WDR70: variants seen among roughly 807,000 people sequenced by gnomAD.
The protein encoded by WDR70 is WD repeat-containing protein 70.
Under a neutral mutation model 88.6 loss-of-function variants are expected in WDR70, and 53 were observed. The observed-to-expected ratio is 0.60, with a 90% CI of 0.48 to 0.75. The LOEUF (loss-of-function observed/expected upper bound fraction) is 0.75. Among genes scored for constraint, WDR70 ranks in the 30% least tolerant of loss-of-function variants. The pLI is 0.00. For missense variants in WDR70, 610 were observed against 823.2 expected (o/e 0.74, Z 3.17); for synonymous variants, 280 against 270.0 (o/e 1.04, Z -0.36).
intron 10 of WDR70, among the ~76,000 whole-genome samples, chr5:37,676,059 G>T (rs1262345762): frequency 1.4e-5 from 2 of 145,658 alleles, no homozygotes; most frequent in Non-Finnish European, 3.0e-5. Flanking sequence ...GTATAAGAAT[G>T]CTTGTGATTT....
At position 37,392,034 on chromosome 5, in the gene WDR70, G is replaced by T. The variant is rs777876910; in HGVS notation, c.210G>T (p.Glu70Asp). The T allele has an allele frequency of 6.2e-7, 1 of 1,611,062 alleles. No individual in the cohort carries two copies. The highest frequency in any genetic ancestry group is 1.1e-5 in the South Asian group (1 of 90,184). Residue 70 changes from glutamate (E) to aspartate (D), a missense_variant, in exon 4 of 18, where the codon GAG (glutamate) becomes GAT (aspartate). Around this residue, in one of 4 missense-constraint regions of WDR70, gnomAD observed 203 missense variants for 228.1 expected, o/e 0.89. Transcript: ENST00000265107. ...AREKEEEMNR[E>D]KELRRQNEDI... ...AAAAAGAGGAAGAAATGAACAGAGA[G>T]AAAGAATTAAGAAGACAAAATGAAG... is the stretch of plus-strand genomic sequence containing the variant.
intron 13 of WDR70, among the ~76,000 whole-genome samples, chr5:37,717,040 G>T (rs1747673085): frequency 6.6e-6 from 1 of 151,982 alleles, no homozygotes; most frequent in African/African-American, 2.4e-5. Context: ...CATGCTTATG[G>T]TCTCCTATTC....
rs868313266 is a variant in WDR70, at chr5:37,605,092, C to A, written c.946C>A (p.Pro316Thr). ...TGTGAGGACGTGGGAAGTTGAAAATCCAAAGAAGCAAAAAAGTGTGTTTAA... is the reference window on the plus strand; with the variant it reads ...TGTGAGGACGTGGGAAGTTGAAAATACAAAGAAGCAAAAAAGTGTGTTTAA... ...ATVRTWEVEN[P>T]KKQKSVFKPR... The change falls in exon 10 of 18, where the codon CCA (proline) becomes ACA (threonine). Residue 316 changes from proline (P) to threonine (T), a missense_variant. This residue lies in a region of WDR70 where 254 missense variants were observed against 300.7 expected (regional missense o/e 0.84). Transcript: ENST00000265107. The A allele has an allele frequency of 1.9e-6, 3 of 1,610,188 alleles. No individual in the cohort carries two copies. Among genetic ancestry groups the A allele is most frequent in the Non-Finnish European group, 2.5e-6 (3 of 1,178,072 alleles).
intron 5 of WDR70, among the ~76,000 whole-genome samples, chr5:37,415,541 G>A (rs1338100748): frequency 1.9e-5 from 2 of 106,908 alleles, no homozygotes; most frequent in African/African-American, 6.0e-5. Context: ...CCTCCCGGGT[G>A]GGGCGGCTGG....
At chr5:37,662,218 G>A (rs1175542777) in intron 10 of WDR70, among the ~76,000 whole-genome samples, 3 of 152,168 alleles carry the variant, frequency 2.0e-5, no homozygotes, top group Non-Finnish European at 4.4e-5. Flanking sequence ...TGACATACTG[G>A]TAAACAGCAA....
chr5:37,691,490 A>G (rs199580490), intron 10 of WDR70, among the ~76,000 whole-genome samples: 1 of 152,224 alleles, frequency 6.6e-6, no homozygotes. Context: ...ATGTAAAAGA[A>G]CAGAAATCAC....
At chr5:37,476,550 T>A (rs934158204) in intron 7 of WDR70, among the ~76,000 whole-genome samples, 1 of 38,768 alleles carries the variant, frequency 2.6e-5, no homozygotes, top group African/African-American at 3.3e-5. Flanking sequence ...TTCTTTTTTC[T>A]TCTTCTTTTT....
At chr5:37,745,556 A>T (rs958999523) in intron 17 of WDR70, among the ~76,000 whole-genome samples, 1 of 151,936 alleles carries the variant, frequency 6.6e-6, no homozygotes, top group African/African-American at 2.4e-5. Context: ...AGACACACAC[A>T]GGCTCAAAAT....
At chr5:37,561,492 A>T (rs932993336) in intron 9 of WDR70, among the ~76,000 whole-genome samples, 9 of 152,264 alleles carry the variant, frequency 5.9e-5, no homozygotes, top group African/African-American at 2.2e-4. Flanking sequence ...GCCAAAACAC[A>T]TGCTAACAAC....
intron 10 of WDR70, chr5:37,688,014 T>C (rs781631636): frequency 3.2e-5 from 21 of 658,312 alleles, no homozygotes; most frequent in Non-Finnish European, 4.8e-5. Flanking sequence ...TAAGGTTCTT[T>C]ATCTCACTTT....
chr5:37,434,350 G>A (rs1750405010), intron 5 of WDR70, among the ~76,000 whole-genome samples: 1 of 152,162 alleles, frequency 6.6e-6, no homozygotes. Flanking sequence ...TATCAATGAA[G>A]AAATGAATTA....
At chr5:37,750,789 C>T (rs1259566774) in intron 17 of WDR70, among the ~76,000 whole-genome samples, 1 of 152,222 alleles carries the variant, frequency 6.6e-6, no homozygotes, top group Non-Finnish European at 1.5e-5. Flanking sequence ...CCTCCCCAGG[C>T]AGGTGTAACT....
At chr5:37,627,323 G>T (rs149094584) in intron 10 of WDR70, among the ~76,000 whole-genome samples, 1 of 152,030 alleles carries the variant, frequency 6.6e-6, no homozygotes, top group East Asian at 1.9e-4. Context: ...CGTTTCCATA[G>T]TTCTCAAACG....
intron 13 of WDR70, among the ~76,000 whole-genome samples, chr5:37,706,037 A>G (rs1747312202): frequency 6.6e-6 from 1 of 152,262 alleles, no homozygotes; most frequent in Non-Finnish European, 1.5e-5. Flanking sequence ...TTAACAATCT[A>G]TGCAGTTATT....
chr5:37,379,568 C>A lies in WDR70; in HGVS notation c.91+14C>A, dbSNP rs1390981256. ...TCACGGGGTTCGGTGAGTGACTGCC[C>A]CAGGCAGAGACCCTCTTCCTTGTGC... On this transcript the variant is annotated intron_variant, in intron 2 of 17. Coordinates refer to ENST00000265107, the MANE Select transcript of WDR70 (RefSeq NM_018034.4). 1 of 1,613,554 alleles carries A rather than the reference C, an allele frequency of 6.2e-7. No homozygotes were observed. Among genetic ancestry groups the A allele is most frequent in the Non-Finnish European group, 8.5e-7 (1 of 1,179,736 alleles).
At chr5:37,442,644 C>G (rs1296064635) in intron 6 of WDR70, among the ~76,000 whole-genome samples, 2 of 152,082 alleles carry the variant, frequency 1.3e-5, no homozygotes. Flanking sequence ...TTTTATGGAA[C>G]CAATATAAGT....
chr5:37,441,578 G>A (rs1750654195), intron 6 of WDR70, among the ~76,000 whole-genome samples: 1 of 152,110 alleles, frequency 6.6e-6, no homozygotes, highest in Non-Finnish European at 1.5e-5. Context: ...CCAGCTTTGC[G>A]AGTCTGAGGC....
At chr5:37,575,508 A>T (rs1743027158) in intron 9 of WDR70, among the ~76,000 whole-genome samples, 1 of 152,172 alleles carries the variant, frequency 6.6e-6, no homozygotes, top group Admixed American at 6.5e-5. Flanking sequence ...TGAAGATGGA[A>T]ATTGAGTTAA....
At chr5:37,473,635 C>T (rs962322443) in intron 7 of WDR70, among the ~76,000 whole-genome samples, 6 of 152,254 alleles carry the variant, frequency 3.9e-5, no homozygotes, top group East Asian at 1.9e-4. Flanking sequence ...TGAGCCACCG[C>T]GCCTGGCCTT....
Sources: allele counts gnomAD v4.1 joint callset (sites outside exome capture counted in the v4.1 genomes callset), GRCh38; gene constraint gnomAD v4.1.1; regional missense constraint gnomAD v4.1.1; transcripts MANE v1.5; gene names NCBI Gene and HGNC (gene_info 2026-07-23, HGNC 2026-07-21).